Variants in DLGAP2 observed in about 807,000 individuals in gnomAD.
DLGAP2 encodes DLG associated protein 2, also known as disks large-associated protein 2.
Under a neutral mutation model 100.3 loss-of-function variants are expected in DLGAP2, and 26 were observed. That is an observed-to-expected ratio of 0.26 (90% confidence interval 0.19 to 0.36). DLGAP2 has a LOEUF of 0.36. DLGAP2 is among the 10% of genes least tolerant of loss of function. DLGAP2 has a pLI of 1.00. For synonymous variants in DLGAP2, 886 were observed against 630.1 expected (o/e 1.41, Z -6.08); for missense variants, 1,858 against 1,453.2 (o/e 1.28, Z -4.53).
chr8:1,057,613 C>A (rs1241453354), intron 2 of DLGAP2, among the ~76,000 whole-genome samples: 1 of 152,194 alleles, frequency 6.6e-6, no homozygotes, highest in African/African-American at 2.4e-5. Context: ...TAAACACCGA[C>A]AAAGTCTTTC....
chr8:1,102,705 G>T (rs1476789183), intron 2 of DLGAP2, among the ~76,000 whole-genome samples: 1 of 152,176 alleles, frequency 6.6e-6, no homozygotes, highest in East Asian at 1.9e-4. Flanking sequence ...TGCGTGGGGG[G>T]ATTTAGGCAC....
At chr8:975,109 G>A (rs1800129795) in intron 2 of DLGAP2, among the ~76,000 whole-genome samples, 1 of 152,146 alleles carries the variant, frequency 6.6e-6, no homozygotes, top group Non-Finnish European at 1.5e-5. Context: ...AGAATACTAT[G>A]AATAACTCTG....
intron 2 of DLGAP2, among the ~76,000 whole-genome samples, chr8:1,139,498 C>T (rs577115322): frequency 7.9e-5 from 12 of 152,302 alleles, no homozygotes; most frequent in South Asian, 2.1e-4. Context: ...CCTCCCTCGG[C>T]GCTAATCCCA....
rs145829621 is a variant in DLGAP2 at position 1,634,207 on chromosome 8, T to C, written c.1810+1161T>C. Among the ~76,000 whole-genome samples, 329 of 152,360 alleles carry C rather than the reference T, an allele frequency of 2.2e-3. 1 individual carries two copies. Among genetic ancestry groups the C allele is most frequent in the Non-Finnish European group, 3.8e-3 (261 of 68,040 alleles). ...CGGTATTCAAGAGAAGCTGTAGCCATAGATAATTTATTTGCATAAATTTAA... is the reference window on the plus strand; with the variant it reads ...CGGTATTCAAGAGAAGCTGTAGCCACAGATAATTTATTTGCATAAATTTAA... On this transcript the variant is annotated intron_variant, in intron 8 of 14. Coordinates refer to ENST00000637795, the MANE Select transcript of DLGAP2 (RefSeq NM_001346810.2).
chr8:1,571,036 G>C (rs1802645023), intron 6 of DLGAP2, among the ~76,000 whole-genome samples: 1 of 148,172 alleles, frequency 6.7e-6, no homozygotes, highest in African/African-American at 2.5e-5. Context: ...CTTCTGGGAT[G>C]GAGAGGAGAG....
intron 3 of DLGAP2, among the ~76,000 whole-genome samples, chr8:1,367,814 G>A (rs528820544): frequency 6.6e-6 from 1 of 152,300 alleles, no homozygotes; most frequent in South Asian, 2.1e-4. Flanking sequence ...TATCAAGATT[G>A]TATCACAAAT....
At chr8:1,120,716 C>T (rs994080930) in intron 2 of DLGAP2, among the ~76,000 whole-genome samples, 29 of 152,046 alleles carry the variant, frequency 1.9e-4, no homozygotes, top group African/African-American at 7.0e-4. Context: ...CGTTACCGCC[C>T]ATTCTAGACT....
intron 2 of DLGAP2, among the ~76,000 whole-genome samples, chr8:996,479 G>A (rs1374768101): frequency 6.6e-6 from 1 of 152,178 alleles, no homozygotes; most frequent in Non-Finnish European, 1.5e-5. Context: ...CATTGTGTTA[G>A]GGTGGAGTGG....
intron 2 of DLGAP2, among the ~76,000 whole-genome samples, chr8:986,682 C>G: frequency 7.2e-6 from 1 of 138,870 alleles, no homozygotes; most frequent in East Asian, 2.1e-4. Context: ...TTTTTTGAGA[C>G]AGAGTCTCAC....
intron 3 of DLGAP2, among the ~76,000 whole-genome samples, chr8:1,376,573 G>C (rs1042919419): frequency 1.3e-5 from 2 of 152,204 alleles, no homozygotes; most frequent in Non-Finnish European, 2.9e-5. Flanking sequence ...CTCTCCTCCT[G>C]CTGAAGAAGG....
chr8:1,651,322 C>G (rs910439109), intron 8 of DLGAP2, among the ~76,000 whole-genome samples: 1 of 152,186 alleles, frequency 6.6e-6, no homozygotes, highest in Non-Finnish European at 1.5e-5. Context: ...GAATGAAGCG[C>G]TGGCCCCGTC....
At chr8:855,007 G>C (rs950130283) in intron 1 of DLGAP2, among the ~76,000 whole-genome samples, 6 of 152,230 alleles carry the variant, frequency 3.9e-5, no homozygotes, top group African/African-American at 1.4e-4. Flanking sequence ...CAGAGGTCTG[G>C]CAGTCAGAGG....
chr8:1,240,628 C>T lies in DLGAP2; in HGVS notation c.74-18223C>T, dbSNP rs560549525. On this transcript the variant is annotated intron_variant, in intron 2 of 14. Coordinates refer to ENST00000637795, the MANE Select transcript of DLGAP2 (RefSeq NM_001346810.2). ...GTGTCTAGTTCTCTCTCGCACATAGCGTCACGTCTAGTTCTCTCTCACACA... is the reference window on the plus strand; with the variant it reads ...GTGTCTAGTTCTCTCTCGCACATAGTGTCACGTCTAGTTCTCTCTCACACA... 1.9e-4 allele frequency among the ~76,000 whole-genome samples: 27 copies of T among 143,664 alleles called. 1 individual carries two copies. Among genetic ancestry groups the T allele is most frequent in the African/African-American group, 6.6e-4 (25 of 38,062 alleles). 94.2% of individuals were successfully genotyped at this position (143,664 alleles called of 152,430 possible). A position where few individuals can be genotyped will look rare whatever the true frequency, so the allele number is the denominator to read the frequency against.
At chr8:936,241 C>T (rs954102179) in intron 2 of DLGAP2, among the ~76,000 whole-genome samples, 11 of 152,148 alleles carry the variant, frequency 7.2e-5, no homozygotes, top group Non-Finnish European at 1.0e-4. Context: ...AGCAAGCAGC[C>T]TTGACTGCTC....
chr8:808,602 C>A lies in DLGAP2; in HGVS notation c.18+70777C>A, dbSNP rs557724055. Reference sequence around the variant, plus strand: ...GGAATGTGGGGATGTGTTTGGGCACCCAGGGCGGAGCCTGTGTGAGGAGGG... The same window carrying A: ...GGAATGTGGGGATGTGTTTGGGCACACAGGGCGGAGCCTGTGTGAGGAGGG... On this transcript the variant is annotated intron_variant, in intron 1 of 14. Transcript: ENST00000637795. Among the ~76,000 whole-genome samples the A allele has an allele frequency of 1.3e-4, 20 of 152,236 alleles. No individual in the cohort carries two copies. In the East Asian group the frequency reaches 3.5e-3, roughly 27 times the overall value.
At chr8:1,658,455 C>G (rs865811221) in intron 8 of DLGAP2, among the ~76,000 whole-genome samples, 3 of 152,134 alleles carry the variant, frequency 2.0e-5, no homozygotes, top group Non-Finnish European at 2.9e-5. Flanking sequence ...GTTACGTAGG[C>G]TATGGATCCG....
intron 8 of DLGAP2, among the ~76,000 whole-genome samples, chr8:1,663,679 C>A (rs1000484724): frequency 1.3e-5 from 2 of 152,136 alleles, no homozygotes; most frequent in African/African-American, 4.8e-5. Context: ...TTTGGTCTGA[C>A]AGCTGTGACT....
chr8:1,050,599 G>C (rs1290893658), intron 2 of DLGAP2, among the ~76,000 whole-genome samples: 3 of 152,184 alleles, frequency 2.0e-5, no homozygotes, highest in African/African-American at 7.2e-5. Flanking sequence ...CAGGAACTTG[G>C]TGTTCTTAGA....
chr8:795,543 A>T (rs144207991), intron 1 of DLGAP2, among the ~76,000 whole-genome samples: 1 of 152,344 alleles, frequency 6.6e-6, no homozygotes, highest in African/African-American at 2.4e-5. Context: ...CACTGACATA[A>T]GGCCGCATGT....
Sources: allele counts gnomAD v4.1 joint callset (sites outside exome capture counted in the v4.1 genomes callset), GRCh38; gene constraint gnomAD v4.1.1; transcripts MANE v1.5; gene names NCBI Gene and HGNC (gene_info 2026-07-23, HGNC 2026-07-21).